Variants in GRK3 observed in about 807,000 individuals in gnomAD.
GRK3 encodes G protein-coupled receptor kinase 3.
Under a neutral mutation model 95.7 loss-of-function variants are expected in GRK3, and 54 were observed. The observed-to-expected ratio is 0.56, with a 90% CI of 0.45 to 0.71. GRK3 has a LOEUF of 0.71. Ranked by LOEUF, GRK3 falls within the 30% of genes least tolerant of loss-of-function variation. The pLI is 0.00. For missense variants in GRK3, 649 were observed against 851.2 expected (o/e 0.76, Z 2.96); for synonymous variants, 281 against 290.8 (o/e 0.97, Z 0.34).
intron 13 of GRK3, chr22:25,702,892 A>G (rs998077895): frequency 1.3e-5 from 6 of 455,930 alleles, no homozygotes; most frequent in African/African-American, 1.2e-4. Flanking sequence ...CACTAAACCA[A>G]CAAGTCACAA....
At chr22:25,670,609 C>T (rs1351957914) in intron 6 of GRK3, among the ~76,000 whole-genome samples, 1 of 151,900 alleles carries the variant, frequency 6.6e-6, no homozygotes, top group African/African-American at 2.4e-5. Flanking sequence ...ACCTATAACT[C>T]CCTTCCTCCC....
intron 2 of GRK3, among the ~76,000 whole-genome samples, chr22:25,637,430 T>C (rs558045506): frequency 6.6e-6 from 1 of 152,354 alleles, no homozygotes; most frequent in African/African-American, 2.4e-5. Flanking sequence ...ATCAGTAGTT[T>C]GTTTTGTTTT....
intron 2 of GRK3, among the ~76,000 whole-genome samples, chr22:25,615,099 A>G (rs1319870386): frequency 1.3e-5 from 2 of 152,234 alleles, no homozygotes; most frequent in Admixed American, 1.3e-4. Flanking sequence ...TAAATCCTAA[A>G]GCAAACGTGG....
chr22:25,588,774 ATTT>A (rs569905752), intron 1 of GRK3, among the ~76,000 whole-genome samples: 12 of 139,846 alleles, frequency 8.6e-5, no homozygotes, highest in Non-Finnish European at 9.4e-5. Flanking sequence ...TAGTTCATTA[ATTT>A]TTTTTTTTTT....
At chr22:25,648,911 C>A in intron 3 of GRK3, 1 of 895,654 alleles carries the variant, frequency 1.1e-6, no homozygotes. Flanking sequence ...AATTTCCAAT[C>A]AAATGGACAG....
At chr22:25,676,418 G>A (rs2085029757) in intron 8 of GRK3, among the ~76,000 whole-genome samples, 1 of 152,136 alleles carries the variant, frequency 6.6e-6, no homozygotes, top group Non-Finnish European at 1.5e-5. Flanking sequence ...TCGGCCGGGC[G>A]CGGTGGCTCA....
At chr22:25,720,772 G>A (rs770636265) in intron 19 of GRK3, among the ~76,000 whole-genome samples, 28 of 152,126 alleles carry the variant, frequency 1.8e-4, no homozygotes, top group Non-Finnish European at 3.2e-4. Context: ...ACCGCGCCCA[G>A]CCTATAGACC....
At chr22:25,682,924 T>C (rs2085085723) in intron 9 of GRK3, among the ~76,000 whole-genome samples, 1 of 152,270 alleles carries the variant, frequency 6.6e-6, no homozygotes, top group African/African-American at 2.4e-5. Flanking sequence ...AAATGTGCCC[T>C]TCTGTGTTTG....
At chr22:25,645,281 A>G (rs77618170) in intron 3 of GRK3, among the ~76,000 whole-genome samples, 3,400 of 152,264 alleles carry the variant, frequency 0.022, 61 homozygotes, top group Middle Eastern at 0.068. Flanking sequence ...TGGGCGAGAG[A>G]TGGAAACTCT....
chr22:25,593,399 G>A (rs1932566558), intron 1 of GRK3, among the ~76,000 whole-genome samples: 1 of 151,458 alleles, frequency 6.6e-6, no homozygotes, highest in Admixed American at 6.6e-5. Context: ...ATAGCCATTT[G>A]CCTGGAGTGA....
At chr22:25,589,240 G>A (rs1932417191) in intron 1 of GRK3, among the ~76,000 whole-genome samples, 2 of 152,192 alleles carry the variant, frequency 1.3e-5, no homozygotes, top group African/African-American at 4.8e-5. Flanking sequence ...GATAGAATAT[G>A]TAGGATTTTA....
At chr22:25,677,242 G>A (rs562462156) in intron 8 of GRK3, among the ~76,000 whole-genome samples, 126 of 151,954 alleles carry the variant, frequency 8.3e-4, no homozygotes, top group African/African-American at 2.9e-3. Flanking sequence ...ACAGGTGCCT[G>A]TAGTCCCAGC....
At chr22:25,665,414 G>T (rs1220218312) in intron 5 of GRK3, among the ~76,000 whole-genome samples, 2 of 151,884 alleles carry the variant, frequency 1.3e-5, no homozygotes, top group Non-Finnish European at 2.9e-5. Context: ...TCTGATTTTA[G>T]CTTCCACTAT....
At chr22:25,570,363 C>A (rs1159638886) in intron 1 of GRK3, among the ~76,000 whole-genome samples, 1 of 152,176 alleles carries the variant, frequency 6.6e-6, no homozygotes. Context: ...AGAAAAGGGG[C>A]CACCTAAGCT....
chr22:25,687,486 T>C, intron 10 of GRK3, 51 bp from the exon 11 acceptor site: 1 of 1,595,860 alleles, frequency 6.3e-7, no homozygotes, highest in Non-Finnish European at 8.6e-7. Flanking sequence ...CAATGATATT[T>C]GTTTCCTTTA....
chr22:25,682,502 T>C (rs1484091875), intron 9 of GRK3, among the ~76,000 whole-genome samples: 1 of 152,224 alleles, frequency 6.6e-6, no homozygotes, highest in Non-Finnish European at 1.5e-5. Context: ...GGATGTGGTC[T>C]TGAGCTGTTA....
chr22:25,639,023 T>G (rs748104856), intron 2 of GRK3, among the ~76,000 whole-genome samples: 14 of 152,238 alleles, frequency 9.2e-5, no homozygotes, highest in Non-Finnish European at 1.2e-4. Flanking sequence ...TGTTCAAATC[T>G]TCCTTGAGTT....
chr22:25,688,370 G>A (rs923909760), intron 11 of GRK3, among the ~76,000 whole-genome samples: 14 of 152,016 alleles, frequency 9.2e-5, no homozygotes, highest in African/African-American at 3.4e-4. Context: ...AATGTACAAT[G>A]ATGGATAAGC....
At chr22:25,586,514 A>G (rs1189565473) in intron 1 of GRK3, among the ~76,000 whole-genome samples, 3 of 152,284 alleles carry the variant, frequency 2.0e-5, no homozygotes, top group African/African-American at 7.2e-5. Context: ...ACAAATGTTA[A>G]AAGATAAATT....
Sources: allele counts gnomAD v4.1 joint callset (sites outside exome capture counted in the v4.1 genomes callset), GRCh38; gene constraint gnomAD v4.1.1; transcripts MANE v1.5; gene names NCBI Gene and HGNC (gene_info 2026-07-23, HGNC 2026-07-21).